ANKRD33B: variants seen among roughly 807,000 people sequenced by gnomAD.
The protein encoded by ANKRD33B is ankyrin repeat domain-containing protein 33B.
ANKRD33B carries 6 observed loss-of-function variants against 21.5 expected under a neutral mutation model. The observed-to-expected ratio is 0.28, with a 90% CI of 0.15 to 0.55. The LOEUF is 0.55. Among genes scored for constraint, ANKRD33B ranks in the 20% least tolerant of loss-of-function variants. The pLI is 0.94. For synonymous variants in ANKRD33B, 347 were observed against 342.4 expected, an observed-to-expected ratio of 1.01 and a Z score of -0.15; for missense variants, 698 against 747.2, an observed-to-expected ratio of 0.93 and a Z score of 0.77.
intron 1 of ANKRD33B, among the ~76,000 whole-genome samples, chr5:10,571,720 T>C (rs1735198076): frequency 6.6e-6 from 1 of 152,024 alleles, no homozygotes. Flanking sequence ...AAAATGTGAG[T>C]CCAGATTTCT....
chr5:10,596,103 T>C (rs1287614687), intron 1 of ANKRD33B, among the ~76,000 whole-genome samples: 1 of 152,234 alleles, frequency 6.6e-6, no homozygotes, highest in Non-Finnish European at 1.5e-5. Context: ...AACAACAGAA[T>C]GACTTAATTA....
At chr5:10,617,984 C>CT (rs1184249677) in intron 1 of ANKRD33B, among the ~76,000 whole-genome samples, 3 of 152,312 alleles carry the variant, frequency 2.0e-5, no homozygotes, top group Admixed American at 2.0e-4. Context: ...CTGCACACAC[C>CT]TTTTTTACCC....
chr5:10,568,597 C>A (rs1371713237), intron 1 of ANKRD33B, among the ~76,000 whole-genome samples: 1 of 152,196 alleles, frequency 6.6e-6, no homozygotes, highest in African/African-American at 2.4e-5. Flanking sequence ...TGCAGTGGCG[C>A]AATCTCTGCT....
chr5:10,613,216 TC>T (rs1227081179), intron 1 of ANKRD33B, among the ~76,000 whole-genome samples: 1 of 152,062 alleles, frequency 6.6e-6, no homozygotes, highest in Non-Finnish European at 1.5e-5. Context: ...CCCTCCTTTT[TC>T]CTTCAGACAG....
intron 1 of ANKRD33B, among the ~76,000 whole-genome samples, chr5:10,567,367 G>A (rs79195957): frequency 5.3e-5 from 8 of 152,356 alleles, no homozygotes; most frequent in Non-Finnish European, 1.0e-4. Flanking sequence ...CTGTGCTCCC[G>A]CTAGGTACTT....
rs986857098 is a variant in ANKRD33B, at chr5:10,657,232, C to A, written c.*7119C>A. 3.3e-5 allele frequency: 5 copies of A among 152,328 alleles called. No homozygotes were observed. The highest frequency in any genetic ancestry group is 1.2e-4 in the African/African-American group (5 of 41,438). The allele number at this position is 152,328 out of a possible 1,614,324, so 9.4% of individuals were successfully genotyped here. On this transcript the variant is annotated 3_prime_UTR_variant, in exon 4 of 4. Transcript: ENST00000296657. ...TCCGACTGAATTTGAAAATAATACCCCATTCAGATGAACATTAAAAGCCAA... is the reference window on the plus strand; with the variant it reads ...TCCGACTGAATTTGAAAATAATACCACATTCAGATGAACATTAAAAGCCAA...
chr5:10,649,840 C>G lies in ANKRD33B; in HGVS notation c.1212C>G (p.Ala404=). Residue 404 remains alanine (A), a synonymous_variant, in exon 4 of 4, where the codon GCC becomes GCG. Transcript: ENST00000296657. ...CCGCAGCGCCCGCCCCGCGGAAGGCCAGCCTCCTGCCCCTGCAGCGCCTGC... is the reference window on the plus strand; with the variant it reads ...CCGCAGCGCCCGCCCCGCGGAAGGCGAGCCTCCTGCCCCTGCAGCGCCTGC... ...RGPAAPAPRK[A]SLLPLQRLRR... is the part of the protein sequence containing the mutation. The G allele has an allele frequency of 7.1e-7, 1 of 1,402,690 alleles. No homozygotes were observed. Among genetic ancestry groups the G allele is most frequent in the Non-Finnish European group, 9.2e-7 (1 of 1,083,922 alleles). 86.9% of individuals were successfully genotyped at this position (1,402,690 alleles called of 1,614,324 possible).
intron 1 of ANKRD33B, among the ~76,000 whole-genome samples, chr5:10,617,503 C>T (rs1205110933): frequency 6.6e-6 from 1 of 152,226 alleles, no homozygotes; most frequent in Non-Finnish European, 1.5e-5. Context: ...AATTCGCCTC[C>T]CCAGCTGCTG....
intron 1 of ANKRD33B, among the ~76,000 whole-genome samples, chr5:10,570,766 C>T (rs1267256393): frequency 1.3e-5 from 2 of 152,064 alleles, no homozygotes; most frequent in Admixed American, 1.3e-4. Flanking sequence ...GCTATGTTGC[C>T]CAGGCTGGTC....
chr5:10,583,538 T>C (rs1650780732), intron 1 of ANKRD33B, among the ~76,000 whole-genome samples: 1 of 152,156 alleles, frequency 6.6e-6, no homozygotes, highest in Admixed American at 6.5e-5. Context: ...TCTCCAGACA[T>C]TGCCAGTTTC....
intron 1 of ANKRD33B, among the ~76,000 whole-genome samples, chr5:10,606,752 G>A (rs2126572980): frequency 6.8e-6 from 1 of 146,706 alleles, no homozygotes; most frequent in African/African-American, 2.5e-5. Flanking sequence ...TTTTTGAGGT[G>A]GAGTCTTGCT....
intron 1 of ANKRD33B, among the ~76,000 whole-genome samples, chr5:10,577,453 G>T (rs1735348994): frequency 6.6e-6 from 1 of 152,204 alleles, no homozygotes; most frequent in Non-Finnish European, 1.5e-5. Context: ...ACCAGTTACT[G>T]CAAAGACCCC....
Position 10,650,254 on chromosome 5 carries a change from T to G in ANKRD33B, c.*141T>G. On this transcript the variant is annotated 3_prime_UTR_variant, in exon 4 of 4. Coordinates refer to ENST00000296657, the MANE Select transcript of ANKRD33B (RefSeq NM_001164440.2). ...CGGGGCTGCGCGCATTTCCAGGCTG[T>G]TTGTCCAGGCTGCTTCCAAGAGAGG... The G allele has an allele frequency of 1.0e-6, 1 of 971,106 alleles. No individual in the cohort carries two copies. The highest frequency in any genetic ancestry group is 3.4e-5 in the East Asian group (1 of 29,096). 60.2% of individuals were successfully genotyped at this position (971,106 alleles called of 1,614,324 possible).
intron 1 of ANKRD33B, among the ~76,000 whole-genome samples, chr5:10,581,352 G>C (rs967539672): frequency 6.6e-6 from 1 of 152,258 alleles, no homozygotes; most frequent in Non-Finnish European, 1.5e-5. Flanking sequence ...TGTCCTAGGG[G>C]AGAGCAGCCT....
chr5:10,642,463 G>A (rs1018955574), intron 3 of ANKRD33B, among the ~76,000 whole-genome samples: 6 of 152,174 alleles, frequency 3.9e-5, no homozygotes, highest in Non-Finnish European at 8.8e-5. Flanking sequence ...GTACAGAGCA[G>A]GAGCTGAACA....
chr5:10,644,477 G>A (rs1737143470), intron 3 of ANKRD33B, among the ~76,000 whole-genome samples: 1 of 152,186 alleles, frequency 6.6e-6, no homozygotes, highest in African/African-American at 2.4e-5. Flanking sequence ...TTTCAGACCT[G>A]AAGTGTGGTG....
At chr5:10,580,723 G>A (rs920773255) in intron 1 of ANKRD33B, among the ~76,000 whole-genome samples, 2 of 152,050 alleles carry the variant, frequency 1.3e-5, no homozygotes, top group African/African-American at 2.4e-5. Flanking sequence ...GGAGGGACTC[G>A]GGAGTGGAGA....
chr5:10,567,308 T>C (rs971779423), intron 1 of ANKRD33B, among the ~76,000 whole-genome samples: 2 of 152,220 alleles, frequency 1.3e-5, no homozygotes, highest in African/African-American at 4.8e-5. Flanking sequence ...GATGCCCTGC[T>C]CTGTGGTAAA....
chr5:10,649,876 C>A lies in ANKRD33B; in HGVS notation c.1248C>A (p.Ser416Arg). The A allele has an allele frequency of 6.9e-7, 1 of 1,458,504 alleles. No individual in the cohort carries two copies. Among genetic ancestry groups the A allele is most frequent in the Non-Finnish European group, 9.0e-7 (1 of 1,111,200 alleles). 90.3% of individuals were successfully genotyped at this position (1,458,504 alleles called of 1,614,324 possible). ...LLPLQRLRRR[S>R]VRPGVVVPRV... is the part of the protein sequence containing the mutation. ...CCCTGCAGCGCCTGCGGCGGAGAAG[C>A]GTGCGGCCCGGTGTGGTGGTGCCCC... Residue 416 changes from serine to arginine, a missense_variant, in exon 4 of 4, where the codon AGC (serine) becomes AGA (arginine). Physicochemically the swap from Ser to Arg is moderately radical, Grantham distance 110. Around this residue, in one of 3 missense-constraint regions of ANKRD33B, gnomAD observed 543 missense variants for 566.5 expected, o/e 0.96. Coordinates refer to ENST00000296657, the MANE Select transcript of ANKRD33B (RefSeq NM_001164440.2).
Sources: allele counts gnomAD v4.1 joint callset (sites outside exome capture counted in the v4.1 genomes callset), GRCh38; gene constraint gnomAD v4.1.1; regional missense constraint gnomAD v4.1.1; transcripts MANE v1.5; gene names NCBI Gene and HGNC (gene_info 2026-07-23, HGNC 2026-07-21).